Variants in RPGRIP1L observed in about 807,000 individuals in gnomAD.
RPGRIP1L encodes protein fantom.
A neutral mutation model predicts 160.4 loss-of-function variants in RPGRIP1L; 131 were observed. That is an observed-to-expected ratio of 0.82 (90% CI 0.71 to 0.94). The LOEUF (loss-of-function observed/expected upper bound fraction) is 0.94, where lower values mean the gene tolerates loss of function less well. Ranked by LOEUF, RPGRIP1L falls within the 40% of genes least tolerant of loss-of-function variation. RPGRIP1L has a pLI of 0.00. For synonymous variants in RPGRIP1L, 510 were observed against 515.8 expected (o/e 0.99, Z 0.15); for missense variants, 1,522 against 1,535.8 (o/e 0.99, Z 0.15).
At position 53,701,378 on chromosome 16, in the gene RPGRIP1L, G is replaced by A. The variant is rs577405672; in HGVS notation, c.-7-648C>T. Among the ~76,000 whole-genome samples the A allele has an allele frequency of 1.1e-4, 16 of 151,926 alleles. No individual in the cohort carries two copies. In the South Asian group the frequency reaches 2.1e-3, roughly 20 times the overall value. The stretch of plus-strand genomic sequence containing the variant: ...GTGTGTGTCTTGCCTTTGTTGCCAT[G>A]AGGCCTAGGTCTCACCCAGGGTTCA... On this transcript the variant is annotated intron_variant, in intron 1 of 26. Coordinates refer to ENST00000647211, the MANE Select transcript of RPGRIP1L (RefSeq NM_015272.5).
At chr16:53,605,097 C>T (rs147162507) in intron 26 of RPGRIP1L, among the ~76,000 whole-genome samples, 181 of 151,964 alleles carry the variant, frequency 1.2e-3, no homozygotes, top group Non-Finnish European at 1.8e-3. Flanking sequence ...GGGAGAATTG[C>T]TTGAGCCTAG....
rs143069438 is a variant in RPGRIP1L at position 53,633,547 on chromosome 16, G to T, written c.3294+2892C>A. 4.9e-3 allele frequency among the ~76,000 whole-genome samples: 742 copies of T among 152,236 alleles called. 2 individuals carry two copies. The highest frequency in any genetic ancestry group is 0.01 in the Middle Eastern group (3 of 294). On this transcript the variant is annotated intron_variant, in intron 22 of 26. Transcript: ENST00000647211. ...ATCTGGATTGGATCTTGGACCATAT[G>T]AATAAGATGCTATAAATGGTATTAC...
In RPGRIP1L at chr16:53,619,323, T is replaced by C. The variant is rs1234214809; in HGVS notation, c.3433-115A>G. 3.5e-6 allele frequency: 3 copies of C among 860,628 alleles called. No homozygotes were observed. In the African/African-American group the frequency reaches 5.0e-5, roughly 14 times the overall value. The allele number at this position is 860,628 out of a possible 1,614,324, so 53.3% of individuals were successfully genotyped here. A position where few individuals can be genotyped will look rare whatever the true frequency, so the allele number is the denominator to read the frequency against. The stretch of plus-strand genomic sequence containing the variant: ...AAAACACGAAGGCCAATGGGCTTCT[T>C]TTCTTGAATGCAATGTACACTACTG... On this transcript the variant is annotated intron_variant, in intron 23 of 26. Transcript: ENST00000647211.
At chr16:53,660,264 C>T (rs1967660892) in intron 10 of RPGRIP1L, among the ~76,000 whole-genome samples, 1 of 152,134 alleles carries the variant, frequency 6.6e-6, no homozygotes, top group Non-Finnish European at 1.5e-5. Context: ...GTATCTCTAC[C>T]AATTTCATCC....
chr16:53,658,629 T>C (rs751433051), intron 11 of RPGRIP1L, 143 bp downstream of exon 11: 23 of 842,676 alleles, frequency 2.7e-5, no homozygotes, highest in Middle Eastern at 3.4e-4. Flanking sequence ...CTATGGAACA[T>C]AAACTACCTG....
chr16:53,612,505 T>TC (rs1289718698), intron 24 of RPGRIP1L, among the ~76,000 whole-genome samples: 1 of 151,692 alleles, frequency 6.6e-6, no homozygotes, highest in Non-Finnish European at 1.5e-5. Flanking sequence ...TTTTTTTTTT[T>TC]TTGCTGTTAA....
chr16:53,649,134 C>T lies in RPGRIP1L; in HGVS notation c.2153-19G>A, dbSNP rs988899852. ...TTTGTTCCTACAAATCAGTACATAA[C>T]CCAAGGTTAAAATAGTTTCATACAT... On this transcript the variant is annotated intron_variant, in intron 15 of 26. Coordinates refer to ENST00000647211, the MANE Select transcript of RPGRIP1L (RefSeq NM_015272.5). 2.5e-6 allele frequency: 4 copies of T among 1,611,566 alleles called. No individual in the cohort carries two copies. The highest frequency in any genetic ancestry group is 3.4e-6 in the Non-Finnish European group (4 of 1,177,896).
chr16:53,697,643 C>T (rs151255721), intron 2 of RPGRIP1L, among the ~76,000 whole-genome samples: 9 of 152,330 alleles, frequency 5.9e-5, no homozygotes, highest in East Asian at 1.9e-4. Flanking sequence ...GGATTGCAGA[C>T]GGTGTCTGGT....
At chr16:53,635,153 GTTAT>G (rs1261564208) in intron 22 of RPGRIP1L, among the ~76,000 whole-genome samples, 8 of 152,224 alleles carry the variant, frequency 5.3e-5, no homozygotes, top group Admixed American at 2.6e-4. Flanking sequence ...TAGAGAAACA[GTTAT>G]TTATTTTGCT....
At chr16:53,675,644 T>C (rs968250115) in intron 6 of RPGRIP1L, among the ~76,000 whole-genome samples, 1 of 152,094 alleles carries the variant, frequency 6.6e-6, no homozygotes, top group Non-Finnish European at 1.5e-5. Flanking sequence ...TTTCAAAATA[T>C]TTGCAAAAAA....
intron 3 of RPGRIP1L, chr16:53,695,200 C>G (rs1173960289): frequency 1.6e-6 from 1 of 613,204 alleles, no homozygotes; most frequent in African/African-American, 1.8e-5. Context: ...TCATAGCAGA[C>G]TACATGCCTC....
intron 3 of RPGRIP1L, chr16:53,695,352 G>C (rs1395168285): frequency 1.4e-6 from 1 of 702,968 alleles, no homozygotes; most frequent in South Asian, 1.5e-5. Flanking sequence ...GTGGGTTGTT[G>C]AAGTCCACAG....
At chr16:53,648,830 T>G (rs868325278) in intron 16 of RPGRIP1L, 134 bp downstream of exon 16, 3 of 794,138 alleles carry the variant, frequency 3.8e-6, no homozygotes, top group African/African-American at 1.7e-5. Flanking sequence ...TGTGAGTATA[T>G]GATTACTTCA....
At chr16:53,642,961 C>T (rs1002877364) in intron 17 of RPGRIP1L, among the ~76,000 whole-genome samples, 2 of 152,138 alleles carry the variant, frequency 1.3e-5, no homozygotes, top group Non-Finnish European at 2.9e-5. Flanking sequence ...CACCAGAAGG[C>T]CAGCCAACAA....
intron 23 of RPGRIP1L, among the ~76,000 whole-genome samples, chr16:53,620,548 T>G (rs562073998): frequency 6.6e-6 from 1 of 152,298 alleles, no homozygotes; most frequent in Admixed American, 6.5e-5. Context: ...CATAGTATGA[T>G]GAAATATTTA....
intron 6 of RPGRIP1L, among the ~76,000 whole-genome samples, chr16:53,675,469 T>C (rs574764152): frequency 2.3e-4 from 35 of 152,208 alleles, no homozygotes; most frequent in African/African-American, 8.4e-4. Flanking sequence ...AGTATAGCAA[T>C]GGTACCATTA....
At chr16:53,698,949 G>C (rs1233459695) in intron 2 of RPGRIP1L, among the ~76,000 whole-genome samples, 2 of 152,142 alleles carry the variant, frequency 1.3e-5, no homozygotes, top group Non-Finnish European at 1.5e-5. Context: ...AATAGAAAGC[G>C]GGGAAAGGTG....
Position 53,637,836 on chromosome 16 carries a change from C to T in RPGRIP1L, c.3079G>A (p.Val1027Ile), listed in dbSNP as rs1345699587. The T allele has an allele frequency of 1.2e-6, 2 of 1,613,014 alleles. No individual in the cohort carries two copies. The highest frequency in any genetic ancestry group is 2.7e-5 in the African/African-American group (2 of 74,888). Residue 1027 changes from valine (V) to isoleucine (I), a missense_variant, in exon 21 of 27, where the codon GTA becomes ATA. By Grantham distance (29) the Val-to-Ile change is conservative. Transcript: ENST00000647211. ...HVPKVSQEGS[V>I]DEVKENTEKM... ...TCAGTATTCTCTTTTACCTCATCTA[C>T]ACTGCCTTCTTGTGAAACCTGAAGA...
At chr16:53,629,731 T>A (rs187211519) in intron 22 of RPGRIP1L, among the ~76,000 whole-genome samples, 1 of 152,158 alleles carries the variant, frequency 6.6e-6, no homozygotes, top group South Asian at 2.1e-4. Flanking sequence ...AACTCATGAG[T>A]TGGCAATTTT....
Sources: allele counts gnomAD v4.1 joint callset (sites outside exome capture counted in the v4.1 genomes callset), GRCh38; gene constraint gnomAD v4.1.1; transcripts MANE v1.5; gene names NCBI Gene and HGNC (gene_info 2026-07-23, HGNC 2026-07-21).